Variants in SLC22A23 observed in about 807,000 individuals in gnomAD.
The protein encoded by SLC22A23 is solute carrier family 22 member 23, also known as ion transporter protein.
A neutral mutation model predicts 61.0 loss-of-function variants in SLC22A23; 26 were observed. That is an observed-to-expected ratio of 0.43 (90% CI 0.31 to 0.59). The LOEUF (loss-of-function observed/expected upper bound fraction) is 0.59, where lower values mean the gene tolerates loss of function less well. Ranked by LOEUF, SLC22A23 falls within the 20% of genes least tolerant of loss-of-function variation. The probability of loss-of-function intolerance (pLI) is 0.11; values close to 1 mark genes in which losing one functional copy is unlikely to be tolerated. For missense variants in SLC22A23, 796 were observed against 934.7 expected (o/e 0.85, Z 1.94); for synonymous variants, 430 against 413.9 (o/e 1.04, Z -0.47).
intron 3 of SLC22A23, among the ~76,000 whole-genome samples, chr6:3,367,139 G>C (rs1404940438): frequency 6.6e-6 from 1 of 152,212 alleles, no homozygotes; most frequent in Non-Finnish European, 1.5e-5. Flanking sequence ...TAAAGGAAAT[G>C]CGAAATGCTC....
At chr6:3,452,521 C>T (rs1196307557) in intron 1 of SLC22A23, among the ~76,000 whole-genome samples, 2 of 141,518 alleles carry the variant, frequency 1.4e-5, no homozygotes, top group Non-Finnish European at 3.0e-5. Context: ...ATCACTTAAG[C>T]CTGGGAGGTG....
At chr6:3,283,799 C>A (rs754319640) in intron 9 of SLC22A23, 53 bp downstream of exon 9, 1 of 1,608,356 alleles carries the variant, frequency 6.2e-7, no homozygotes, top group South Asian at 1.1e-5. Context: ...GCCAGGGACT[C>A]GTCTTTGATT....
At chr6:3,399,176 C>A (rs964440848) in intron 3 of SLC22A23, among the ~76,000 whole-genome samples, 1 of 152,166 alleles carries the variant, frequency 6.6e-6, no homozygotes, top group African/African-American at 2.4e-5. Context: ...GGCCTGGCGG[C>A]TGGACTTGGG....
rs1224177908 is a variant in SLC22A23 at position 3,360,767 on chromosome 6, C to A, written c.914-36765G>T. On this transcript the variant is annotated intron_variant, in intron 3 of 9. Transcript: ENST00000406686. The surrounding 1 kb of genome is among the most constrained non-coding windows in gnomAD (Gnocchi z 4.6). ...CGACACGACAGGTGTGCAGGCACCC[C>A]CATGCAGACGGGCCCCTCTGATGGA... Among the ~76,000 whole-genome samples, 1 of 152,216 alleles carries A rather than the reference C, an allele frequency of 6.6e-6. No individual in the cohort carries two copies. The highest frequency in any genetic ancestry group is 1.5e-5 in the Non-Finnish European group (1 of 68,040).
intron 3 of SLC22A23, among the ~76,000 whole-genome samples, chr6:3,403,189 T>A (rs1455842505): frequency 1.4e-5 from 2 of 141,432 alleles, no homozygotes; most frequent in African/African-American, 2.6e-5. Context: ...TTTTTTTTTT[T>A]ACTTGTTTTC....
chr6:3,347,629 C>T (rs1764517537), intron 3 of SLC22A23, among the ~76,000 whole-genome samples: 1 of 152,118 alleles, frequency 6.6e-6, no homozygotes, highest in African/African-American at 2.4e-5. Context: ...TGTTGGCTAC[C>T]TCCTGGTTCT....
At chr6:3,425,638 AGGTGAAG>A (rs1436081552) in intron 1 of SLC22A23, among the ~76,000 whole-genome samples, 2 of 152,180 alleles carry the variant, frequency 1.3e-5, no homozygotes, top group Non-Finnish European at 2.9e-5. Flanking sequence ...GCATTGTTCT[AGGTGAAG>A]AAAGGAAACT....
At chr6:3,349,157 G>A (rs541702596) in intron 3 of SLC22A23, among the ~76,000 whole-genome samples, 9 of 152,306 alleles carry the variant, frequency 5.9e-5, no homozygotes, top group Non-Finnish European at 1.0e-4. Flanking sequence ...CCAACTGGCC[G>A]CGGGGCACTT....
At chr6:3,319,447 T>C (rs928522196) in intron 4 of SLC22A23, among the ~76,000 whole-genome samples, 7 of 152,106 alleles carry the variant, frequency 4.6e-5, no homozygotes, top group Non-Finnish European at 7.3e-5. Context: ...TAGCACTATT[T>C]AAAAGCATGT....
chr6:3,283,134 G>C lies in SLC22A23; in HGVS notation c.1703+718C>G, dbSNP rs928434268. On this transcript the variant is annotated intron_variant, in intron 9 of 9. Transcript: ENST00000406686. ...TGACATCAACTTCTCAGGTCAGTAT[G>C]AAATAAGGCTCTTTTGGCCTGGCAC... Among the ~76,000 whole-genome samples the C allele has an allele frequency of 5.3e-5, 8 of 152,262 alleles. No individual in the cohort carries two copies. In the South Asian group the frequency reaches 8.3e-4, roughly 16 times the overall value.
chr6:3,440,614 G>A (rs915096107), intron 1 of SLC22A23, among the ~76,000 whole-genome samples: 8 of 151,634 alleles, frequency 5.3e-5, no homozygotes, highest in African/African-American at 1.9e-4. Context: ...GGCTGAGGCA[G>A]GAGAATAGTT....
rs1271388582 is a variant in SLC22A23 at position 3,272,577 on chromosome 6, TA to T, written c.*477del. 2 of 153,102 alleles carry T rather than the reference TA, an allele frequency of 1.3e-5. No homozygotes were observed. The highest frequency in any genetic ancestry group is 4.8e-5 in the African/African-American group (2 of 41,446). The allele number at this position is 153,102 out of a possible 1,614,324, so 9.5% of individuals were successfully genotyped here. A position where few individuals can be genotyped will look rare whatever the true frequency, so the allele number is the denominator to read the frequency against. On this transcript the variant is annotated 3_prime_UTR_variant, in exon 10 of 10. Transcript: ENST00000406686. ...AAATTCATGTACATTTCACTCCGTC[TA>T]AAATGCAGTCCCGGAAACGCTCCAC...
chr6:3,435,328 C>T (rs540131720), intron 1 of SLC22A23, among the ~76,000 whole-genome samples: 1 of 151,996 alleles, frequency 6.6e-6, no homozygotes, highest in African/African-American at 2.4e-5. Flanking sequence ...CTGTTTCTCC[C>T]CACTTCCCCT....
At chr6:3,455,187 C>A (rs1279792262) in intron 1 of SLC22A23, among the ~76,000 whole-genome samples, 1 of 152,234 alleles carries the variant, frequency 6.6e-6, no homozygotes, top group Non-Finnish European at 1.5e-5. Flanking sequence ...CTACAGGACT[C>A]AGAGGACAAG....
intron 3 of SLC22A23, among the ~76,000 whole-genome samples, chr6:3,355,476 G>A (rs949043955): frequency 2.0e-5 from 3 of 152,190 alleles, no homozygotes; most frequent in Admixed American, 2.0e-4. Context: ...AAATATAAAT[G>A]TATTTATAGA....
rs144823365 is a variant in SLC22A23, at chr6:3,281,265, C to A, written c.1703+2587G>T. On this transcript the variant is annotated intron_variant, in intron 9 of 9. Coordinates refer to ENST00000406686, the MANE Select transcript of SLC22A23 (RefSeq NM_015482.2). ...CCAATGTCTTACAGATGAATCAGAG[C>A]TGTGCACTGGCTGATGAGAACCACC... 6.6e-5 allele frequency among the ~76,000 whole-genome samples: 10 copies of A among 152,364 alleles called. No homozygotes were observed. In the East Asian group the frequency reaches 1.9e-3, roughly 29 times the overall value.
At chr6:3,379,978 C>T (rs1021317938) in intron 3 of SLC22A23, among the ~76,000 whole-genome samples, 1 of 151,334 alleles carries the variant, frequency 6.6e-6, no homozygotes, top group Non-Finnish European at 1.5e-5. Context: ...TGTGTGTGTG[C>T]ACGTGCGTGC....
Position 3,284,794 on chromosome 6 carries a change from G to A in SLC22A23, c.1579+285C>T, listed in dbSNP as rs1430691228. 12 of 1,033,314 alleles carry A rather than the reference G, an allele frequency of 1.2e-5. 1 individual carries two copies. Among genetic ancestry groups the A allele is most frequent in the African/African-American group, 4.8e-5 (3 of 62,768 alleles). The allele number at this position is 1,033,314 out of a possible 1,614,324, so 64.0% of individuals were successfully genotyped here. On this transcript the variant is annotated intron_variant, in intron 8 of 9. Coordinates refer to ENST00000406686, the MANE Select transcript of SLC22A23 (RefSeq NM_015482.2). ...TGTCCCTAAGACAAAGCATGTTGGC[G>A]CCGGGCCAGGGCCTGTGCTGAGCCT...
chr6:3,422,916 C>G (rs1161129005), intron 1 of SLC22A23, among the ~76,000 whole-genome samples: 1 of 152,188 alleles, frequency 6.6e-6, no homozygotes, highest in Admixed American at 6.5e-5. Context: ...TTCTGAGCCT[C>G]TCTAAGGAAA....
Sources: gnomAD v4.1 joint callset for allele counts (sites outside exome capture counted in the v4.1 genomes callset) on GRCh38, gnomAD v4.1.1 for gene constraint, Gnocchi (gnomAD v3.1) non-coding constraint, MANE v1.5 for transcripts, NCBI Gene and HGNC (gene_info 2026-07-23, HGNC 2026-07-21) for gene names.